The following GRIN2A variants were observed in gnomAD, a reference collection of about 807,000 sequenced individuals.
GRIN2A encodes the protein glutamate receptor ionotropic, NMDA 2A.
A neutral mutation model predicts 113.4 loss-of-function variants in GRIN2A; 22 were observed. The ratio of observed to expected loss-of-function variants is 0.19; its 90% CI spans 0.14 to 0.28. The LOEUF is 0.28. GRIN2A is among the 10% of genes least tolerant of loss of function. GRIN2A has a pLI of 1.00. For synonymous variants in GRIN2A, 827 were observed against 738.4 expected (o/e 1.12, Z -1.94); for missense variants, 1,502 against 1,887.0 (o/e 0.80, Z 3.78).
intron 2 of GRIN2A, among the ~76,000 whole-genome samples, chr16:9,974,345 C>G (rs773864557): frequency 1.3e-5 from 2 of 152,142 alleles, no homozygotes; most frequent in African/African-American, 4.8e-5. Context: ...CTGACCTAAC[C>G]GGTTATGTTA....
intron 2 of GRIN2A, among the ~76,000 whole-genome samples, chr16:10,066,792 C>T (rs989076272): frequency 6.6e-6 from 1 of 152,198 alleles, no homozygotes; most frequent in Admixed American, 6.5e-5. Flanking sequence ...CAGCAGTAGG[C>T]ACTTGGGAAA....
At chr16:9,937,075 C>G (rs1421953470) in intron 3 of GRIN2A, among the ~76,000 whole-genome samples, 1 of 151,272 alleles carries the variant, frequency 6.6e-6, no homozygotes, top group Non-Finnish European at 1.5e-5. Context: ...TAGGAAGCTT[C>G]AAAATCCCTA....
At chr16:9,802,789 T>A (rs1168995265) in intron 10 of GRIN2A, among the ~76,000 whole-genome samples, 1 of 152,084 alleles carries the variant, frequency 6.6e-6, no homozygotes, top group Non-Finnish European at 1.5e-5. Context: ...GCACTTGAAA[T>A]ATGTTTAGTG....
intron 2 of GRIN2A, among the ~76,000 whole-genome samples, chr16:10,175,026 C>G (rs527713107): frequency 2.6e-5 from 4 of 152,212 alleles, no homozygotes; most frequent in Non-Finnish European, 5.9e-5. Flanking sequence ...TTTAGATACA[C>G]AAATACTCAC....
chr16:10,042,194 C>T (rs989144010), intron 2 of GRIN2A, among the ~76,000 whole-genome samples: 6 of 152,168 alleles, frequency 3.9e-5, no homozygotes, highest in African/African-American at 1.4e-4. Context: ...TCAATACTCC[C>T]CTCCTTCAAA....
chr16:9,800,231 T>G lies in GRIN2A; in HGVS notation c.2169-1767A>C, dbSNP rs549700933. Among the ~76,000 whole-genome samples the G allele has an allele frequency of 5.3e-5, 8 of 152,252 alleles. No homozygotes were observed. In the East Asian group the frequency reaches 5.8e-4, roughly 11 times the overall value. On this transcript the variant is annotated intron_variant, in intron 10 of 12. Coordinates refer to ENST00000330684, the MANE Select transcript of GRIN2A (RefSeq NM_001134407.3). ...CTCAAGTGATCCACCCACCTCGGCT[T>G]CCCAAAGTGCTGGGATTACAGGTGC...
At chr16:9,777,283 G>T (rs1338938159) in intron 11 of GRIN2A, among the ~76,000 whole-genome samples, 1 of 152,124 alleles carries the variant, frequency 6.6e-6, no homozygotes, top group Non-Finnish European at 1.5e-5. Context: ...AAAAAAAAAT[G>T]AGCTAGAGAA....
chr16:10,021,846 G>A (rs1188387039), intron 2 of GRIN2A, among the ~76,000 whole-genome samples: 1 of 152,058 alleles, frequency 6.6e-6, no homozygotes, highest in Non-Finnish European at 1.5e-5. Context: ...ACCTTAGGCT[G>A]CATTCTGCCC....
chr16:9,964,179 C>T (rs999767388), intron 2 of GRIN2A, among the ~76,000 whole-genome samples: 1 of 152,206 alleles, frequency 6.6e-6, no homozygotes, highest in African/African-American at 2.4e-5. Flanking sequence ...AAAGGCACTG[C>T]CGCATGGACT....
intron 2 of GRIN2A, among the ~76,000 whole-genome samples, chr16:10,114,729 A>G (rs1400188592): frequency 6.6e-6 from 1 of 152,240 alleles, no homozygotes; most frequent in African/African-American, 2.4e-5. Context: ...TTAAAAAGCT[A>G]GTGATCTAAT....
chr16:9,949,159 G>A (rs1324536942), intron 2 of GRIN2A, among the ~76,000 whole-genome samples: 1 of 152,120 alleles, frequency 6.6e-6, no homozygotes, highest in Non-Finnish European at 1.5e-5. Context: ...TCGTCACCAG[G>A]TATTTTAGGT....
intron 5 of GRIN2A, among the ~76,000 whole-genome samples, chr16:9,844,058 C>T (rs1012222360): frequency 2.6e-5 from 4 of 152,136 alleles, no homozygotes; most frequent in African/African-American, 9.7e-5. Flanking sequence ...TTTGTATCAC[C>T]TTCATTCTAT....
intron 2 of GRIN2A, among the ~76,000 whole-genome samples, chr16:10,109,012 TTTAA>T (rs2048554850): frequency 1.4e-5 from 1 of 71,450 alleles, no homozygotes; most frequent in Non-Finnish European, 2.9e-5. Flanking sequence ...GCTGATTCTC[TTTAA>T]AAAAAAAAAA....
Position 9,891,067 on chromosome 16 carries a change from G to A in GRIN2A, c.1041C>T (p.Asp347=), listed in dbSNP as rs1390365288. The change falls in exon 4 of 13, where the codon GAC becomes GAT. Residue 347 remains aspartate (D), a synonymous_variant. Coordinates refer to ENST00000330684, the MANE Select transcript of GRIN2A (RefSeq NM_001134407.3). The stretch of plus-strand genomic sequence containing the variant: ...GGTAGCCTTCCTCAGTGAAGGATAA[G>A]TCTTTGCCATCCCATGTAACATTGA... ...FMVNVTWDGK[D]LSFTEEGYQV... 2.5e-6 allele frequency: 4 copies of A among 1,612,574 alleles called. No individual in the cohort carries two copies. Among genetic ancestry groups the A allele is most frequent in the South Asian group, 1.1e-5 (1 of 91,054 alleles).
intron 2 of GRIN2A, among the ~76,000 whole-genome samples, chr16:9,940,535 T>A (rs2044846901): frequency 6.6e-6 from 1 of 152,104 alleles, no homozygotes; most frequent in South Asian, 2.1e-4. Context: ...CATCTTTATG[T>A]CCCCAGAACC....
chr16:9,921,933 G>T (rs1435269215), intron 3 of GRIN2A, among the ~76,000 whole-genome samples: 1 of 152,158 alleles, frequency 6.6e-6, no homozygotes, highest in Non-Finnish European at 1.5e-5. Flanking sequence ...ACACAGAGAA[G>T]TAATTTATTT....
chr16:10,153,406 C>G (rs755775273), intron 2 of GRIN2A, among the ~76,000 whole-genome samples: 3 of 152,124 alleles, frequency 2.0e-5, no homozygotes, highest in Non-Finnish European at 4.4e-5. Flanking sequence ...GGGATATGCT[C>G]CTGCCCAGGT....
At chr16:10,087,045 TG>T (rs1402131079) in intron 2 of GRIN2A, among the ~76,000 whole-genome samples, 1 of 152,222 alleles carries the variant, frequency 6.6e-6, no homozygotes, top group Non-Finnish European at 1.5e-5. Context: ...GAGAAGCTCC[TG>T]CTATAACAAT....
chr16:9,960,194 T>C (rs542170455), intron 2 of GRIN2A, among the ~76,000 whole-genome samples: 2 of 152,296 alleles, frequency 1.3e-5, no homozygotes, highest in South Asian at 4.1e-4. Flanking sequence ...AGGTAATTCA[T>C]AAATATCAGT....
Sources: allele counts gnomAD v4.1 joint callset (sites outside exome capture counted in the v4.1 genomes callset), GRCh38; gene constraint gnomAD v4.1.1; transcripts MANE v1.5; gene names NCBI Gene and HGNC (gene_info 2026-07-23, HGNC 2026-07-21).